Variants in MAP3K20 observed in about 807,000 individuals in gnomAD.
MAP3K20 encodes the protein HCCS-4.
In MAP3K20, 40 loss-of-function variants were observed where a neutral mutation model predicts 85.7. The observed-to-expected ratio is 0.47, with a 90% confidence interval of 0.36 to 0.61. The LOEUF (loss-of-function observed/expected upper bound fraction) is 0.61, where lower values mean the gene tolerates loss of function less well. Among genes scored for constraint, MAP3K20 ranks in the 20% least tolerant of loss-of-function variants. MAP3K20 has a pLI of 0.00. For missense variants in MAP3K20, 817 were observed against 961.7 expected, an observed-to-expected ratio of 0.85 and a Z score of 1.99; for synonymous variants, 325 against 327.7, an observed-to-expected ratio of 0.99 and a Z score of 0.09.
intron 2 of MAP3K20, among the ~76,000 whole-genome samples, chr2:173,102,011 C>T (rs892374741): frequency 6.6e-6 from 1 of 152,168 alleles, no homozygotes; most frequent in African/African-American, 2.4e-5. Flanking sequence ...GCCATTGTTC[C>T]TGGTCCCTGC....
chr2:173,177,443 AT>A (rs71403359), intron 3 of MAP3K20, among the ~76,000 whole-genome samples: 1,499 of 126,556 alleles, frequency 0.012, 12 homozygotes, highest in South Asian at 0.029. Context: ...ATCACAATAG[AT>A]TTTTTTTTTT....
intron 12 of MAP3K20, among the ~76,000 whole-genome samples, chr2:173,231,304 G>A (rs1000343053): frequency 1.3e-5 from 2 of 152,138 alleles, no homozygotes; most frequent in Non-Finnish European, 2.9e-5. Context: ...TTTGGCTTCC[G>A]TAGGGTAAGG....
chr2:173,130,863 T>G (rs1338472639), intron 2 of MAP3K20, among the ~76,000 whole-genome samples: 12 of 152,220 alleles, frequency 7.9e-5, no homozygotes, highest in Admixed American at 7.9e-4. Flanking sequence ...CAACTTTAAC[T>G]GCACCAGGAT....
intron 18 of MAP3K20, 32 bp downstream of exon 18, chr2:173,261,169 C>T (rs1314494852): frequency 1.9e-6 from 3 of 1,600,342 alleles, no homozygotes; most frequent in Admixed American, 3.3e-5. Flanking sequence ...CTGGTGGCCT[C>T]ACCATCAGTT....
chr2:173,247,975 G>A (rs1011362596), intron 16 of MAP3K20, among the ~76,000 whole-genome samples: 1 of 152,158 alleles, frequency 6.6e-6, no homozygotes, highest in African/African-American at 2.4e-5. Context: ...TTTTAAGAAG[G>A]GTGACATGAA....
chr2:173,208,341 T>A lies in MAP3K20; in HGVS notation c.745-1388T>A, dbSNP rs192469743. ...TGAGCCCAGGTGGTCGAGGCTGCAGTGAGCTATGATCACACCACTGCATTC... is the reference window on the plus strand; with the variant it reads ...TGAGCCCAGGTGGTCGAGGCTGCAGAGAGCTATGATCACACCACTGCATTC... On this transcript the variant is annotated intron_variant, in intron 9 of 19. Transcript: ENST00000375213. 6.2e-3 allele frequency among the ~76,000 whole-genome samples: 938 copies of A among 150,556 alleles called. 4 individuals carry two copies. The highest frequency in any genetic ancestry group is 8.6e-3 in the South Asian group (41 of 4,766).
intron 2 of MAP3K20, among the ~76,000 whole-genome samples, chr2:173,125,586 T>C (rs1688418074): frequency 6.6e-6 from 1 of 152,248 alleles, no homozygotes; most frequent in South Asian, 2.1e-4. Flanking sequence ...GTCAGTACCC[T>C]GGGGATTGGA....
At chr2:173,235,934 CAAA>C (rs1281505909) in intron 14 of MAP3K20, among the ~76,000 whole-genome samples, 5 of 152,092 alleles carry the variant, frequency 3.3e-5, no homozygotes, top group African/African-American at 1.2e-4. Context: ...TTACAAAAGT[CAAA>C]CGTTGGAAAA....
chr2:173,244,171 T>C (rs535641656), intron 16 of MAP3K20, among the ~76,000 whole-genome samples: 327 of 152,170 alleles, frequency 2.1e-3, no homozygotes, highest in Middle Eastern at 0.014. Context: ...AGGTTTCTAG[T>C]GTGGGCAACT....
intron 2 of MAP3K20, among the ~76,000 whole-genome samples, chr2:173,129,395 C>G (rs1260285570): frequency 6.6e-6 from 1 of 152,048 alleles, no homozygotes; most frequent in South Asian, 2.1e-4. Flanking sequence ...TCTAAGATGC[C>G]TTTGGTTTAA....
intron 11 of MAP3K20, among the ~76,000 whole-genome samples, chr2:173,228,580 G>A (rs1470756144): frequency 1.3e-5 from 2 of 151,986 alleles, no homozygotes; most frequent in South Asian, 2.1e-4. Flanking sequence ...ACCAGATACC[G>A]TATGCCAGGC....
intron 2 of MAP3K20, among the ~76,000 whole-genome samples, chr2:173,132,381 T>C (rs1688642462): frequency 6.6e-6 from 1 of 152,142 alleles, no homozygotes; most frequent in African/African-American, 2.4e-5. Context: ...CCCCACCCCT[T>C]GCACCCCATG....
chr2:173,221,666 C>A, intron 11 of MAP3K20: 5 of 1,332,988 alleles, frequency 3.8e-6, no homozygotes, highest in Non-Finnish European at 4.8e-6. Context: ...TTTACATGAC[C>A]GTAATTTCTT....
At chr2:173,263,929 G>C (rs1223471076) in intron 19 of MAP3K20, 34 bp downstream of exon 19, 2 of 1,575,282 alleles carry the variant, frequency 1.3e-6, no homozygotes, top group East Asian at 4.6e-5. Flanking sequence ...ATGTGTGCTA[G>C]ATTCCAGAAA....
chr2:173,100,207 G>A (rs1289836086), intron 2 of MAP3K20, among the ~76,000 whole-genome samples: 1 of 152,194 alleles, frequency 6.6e-6, no homozygotes, highest in African/African-American at 2.4e-5. Context: ...AGCTGATGCT[G>A]TCACTAGACA....
intron 16 of MAP3K20, among the ~76,000 whole-genome samples, chr2:173,242,898 G>C (rs1684824790): frequency 6.6e-6 from 1 of 151,680 alleles, no homozygotes; most frequent in Non-Finnish European, 1.5e-5. Flanking sequence ...GTACAGACAG[G>C]GTTTCACCAT....
rs1318061908 is a variant in MAP3K20, at chr2:173,202,641, TAAATG to T, written c.670-1151_670-1147del. Among the ~76,000 whole-genome samples, 25 of 152,208 alleles carry T rather than the reference TAAATG, an allele frequency of 1.6e-4. No individual in the cohort carries two copies. In the South Asian group the frequency reaches 5.0e-3, roughly 30 times the overall value. On this transcript the variant is annotated intron_variant, in intron 8 of 19. Transcript: ENST00000375213. ...CTCTAACTGTAATATAAAAGAGAAA[TAAATG>T]AAAGATGTTTTCCAGTGTACAAATG...
At chr2:173,093,530 A>G (rs925299344) in intron 2 of MAP3K20, among the ~76,000 whole-genome samples, 1 of 152,170 alleles carries the variant, frequency 6.6e-6, no homozygotes, top group Non-Finnish European at 1.5e-5. Context: ...AGTATGTACT[A>G]CTTTTCTCTG....
intron 16 of MAP3K20, among the ~76,000 whole-genome samples, chr2:173,252,563 A>C (rs1574159347): frequency 6.6e-6 from 1 of 152,218 alleles, no homozygotes; most frequent in Non-Finnish European, 1.5e-5. Context: ...TGTTTCCTGT[A>C]GATTTGCATT....
Sources: allele counts gnomAD v4.1 joint callset (sites outside exome capture counted in the v4.1 genomes callset), GRCh38; gene constraint gnomAD v4.1.1; transcripts MANE v1.5; gene names NCBI Gene and HGNC (gene_info 2026-07-23, HGNC 2026-07-21).